MACROD2: variants seen among roughly 807,000 people sequenced by gnomAD.
MACROD2 encodes ADP-ribose glycohydrolase MACROD2.
In MACROD2, 36 loss-of-function variants were observed where a neutral mutation model predicts 70.4. The ratio of observed to expected loss-of-function variants is 0.51; its 90% CI spans 0.39 to 0.68. The LOEUF (loss-of-function observed/expected upper bound fraction) is 0.68, where lower values mean the gene tolerates loss of function less well. MACROD2 is among the 30% of genes least tolerant of loss of function. MACROD2 has a pLI of 0.00. For synonymous variants in MACROD2, 172 were observed against 178.8 expected, an observed-to-expected ratio of 0.96 and a Z score of 0.30; for missense variants, 496 against 538.4, an observed-to-expected ratio of 0.92 and a Z score of 0.78.
intron 8 of MACROD2, among the ~76,000 whole-genome samples, chr20:15,692,913 C>T (rs1156999208): frequency 6.6e-6 from 1 of 152,118 alleles, no homozygotes; most frequent in East Asian, 1.9e-4. Context: ...GAGCAGTTTC[C>T]CCCATGCTGT....
intron 3 of MACROD2, among the ~76,000 whole-genome samples, chr20:14,201,518 T>C (rs1365215362): frequency 6.6e-6 from 1 of 152,170 alleles, no homozygotes; most frequent in Non-Finnish European, 1.5e-5. Context: ...GATGATAGTT[T>C]ATTATCTCTG....
intron 6 of MACROD2, among the ~76,000 whole-genome samples, chr20:15,312,208 A>T (rs964267570): frequency 1.3e-5 from 2 of 152,218 alleles, no homozygotes; most frequent in Non-Finnish European, 2.9e-5. Context: ...ATACTTTCAT[A>T]TGGTCTTAAA....
chr20:15,523,614 C>T (rs753843699), intron 8 of MACROD2, among the ~76,000 whole-genome samples: 5 of 152,116 alleles, frequency 3.3e-5, no homozygotes, highest in Non-Finnish European at 5.9e-5. Context: ...CTTAGTGAAA[C>T]GGAGAGATTT....
intron 3 of MACROD2, among the ~76,000 whole-genome samples, chr20:14,410,206 A>G (rs1214245913): frequency 1.4e-5 from 2 of 139,180 alleles, no homozygotes; most frequent in Non-Finnish European, 3.0e-5. Context: ...TGAGGCCCAG[A>G]GTTTGCATTT....
At chr20:14,736,530 A>C (rs1305344332) in intron 5 of MACROD2, among the ~76,000 whole-genome samples, 1 of 152,194 alleles carries the variant, frequency 6.6e-6, no homozygotes, top group Non-Finnish European at 1.5e-5. Context: ...GTCAGTAACC[A>C]AACCAAACAT....
At chr20:15,489,429 G>T (rs1399420204) in intron 7 of MACROD2, among the ~76,000 whole-genome samples, 1 of 152,156 alleles carries the variant, frequency 6.6e-6, no homozygotes, top group Admixed American at 6.5e-5. Flanking sequence ...AAATTTACAC[G>T]CTCCAGTCAT....
At chr20:15,698,070 A>C (rs1361244919) in intron 8 of MACROD2, among the ~76,000 whole-genome samples, 1 of 152,194 alleles carries the variant, frequency 6.6e-6, no homozygotes, top group East Asian at 1.9e-4. Flanking sequence ...TTAGTATTGA[A>C]ATGTGAGGTA....
intron 3 of MACROD2, among the ~76,000 whole-genome samples, chr20:14,197,420 T>C (rs1053249940): frequency 2.0e-5 from 3 of 152,232 alleles, no homozygotes; most frequent in African/African-American, 7.2e-5. Flanking sequence ...AATATAACTT[T>C]CAACTGAAAT....
chr20:14,452,534 A>T (rs908664384), intron 3 of MACROD2, among the ~76,000 whole-genome samples: 2 of 152,140 alleles, frequency 1.3e-5, no homozygotes, highest in Non-Finnish European at 2.9e-5. Flanking sequence ...ATTATTACCA[A>T]CTTAAGAAGA....
intron 8 of MACROD2, among the ~76,000 whole-genome samples, chr20:15,528,433 T>C (rs1449695707): frequency 2.0e-5 from 3 of 152,328 alleles, no homozygotes; most frequent in East Asian, 3.9e-4. Flanking sequence ...GATGCTTTTT[T>C]ATCATGAGGA....
chr20:15,217,766 T>G (rs2076823596), intron 5 of MACROD2, among the ~76,000 whole-genome samples: 3 of 152,256 alleles, frequency 2.0e-5, no homozygotes, highest in African/African-American at 7.2e-5. Flanking sequence ...ATTATTTATT[T>G]TCAGGTTTTT....
At chr20:15,106,450 A>T (rs1373532371) in intron 5 of MACROD2, among the ~76,000 whole-genome samples, 1 of 152,194 alleles carries the variant, frequency 6.6e-6, no homozygotes, top group East Asian at 1.9e-4. Flanking sequence ...ATATGAAATG[A>T]TTGGCTATGC....
At chr20:15,836,098 T>TA (rs2064111505) in intron 8 of MACROD2, among the ~76,000 whole-genome samples, 1 of 150,732 alleles carries the variant, frequency 6.6e-6, no homozygotes, top group Non-Finnish European at 1.5e-5. Flanking sequence ...GACTCTTATA[T>TA]TTCCTGTGGA....
chr20:14,718,896 G>T (rs574674288), intron 5 of MACROD2, among the ~76,000 whole-genome samples: 1 of 152,110 alleles, frequency 6.6e-6, no homozygotes, highest in Non-Finnish European at 1.5e-5. Context: ...AAGAAGAAAA[G>T]GCAGCCTCCT....
At chr20:15,065,538 C>T (rs1254295605) in intron 5 of MACROD2, among the ~76,000 whole-genome samples, 3 of 151,644 alleles carry the variant, frequency 2.0e-5, no homozygotes, top group Non-Finnish European at 4.4e-5. Flanking sequence ...GCTGTAGTCC[C>T]AGCTACTCCG....
At chr20:15,498,145 G>C (rs1053286923) in intron 7 of MACROD2, among the ~76,000 whole-genome samples, 2 of 152,142 alleles carry the variant, frequency 1.3e-5, no homozygotes, top group Non-Finnish European at 2.9e-5. Flanking sequence ...GAAAAATTAA[G>C]CTTGGCTCTG....
chr20:14,056,377 C>T (rs1417718717), intron 2 of MACROD2, among the ~76,000 whole-genome samples: 1 of 151,458 alleles, frequency 6.6e-6, no homozygotes, highest in African/African-American at 2.4e-5. Context: ...TTTTATTCTT[C>T]TGCTTGCTAA....
chr20:14,873,430 G>T (rs1215118466), intron 5 of MACROD2, among the ~76,000 whole-genome samples: 4 of 152,146 alleles, frequency 2.6e-5, no homozygotes, highest in Non-Finnish European at 5.9e-5. Context: ...TTGAGGCTCT[G>T]TGTAGGCCTT....
At chr20:15,477,494 C>T (rs1038243538) in intron 7 of MACROD2, among the ~76,000 whole-genome samples, 11 of 151,516 alleles carry the variant, frequency 7.3e-5, no homozygotes, top group African/African-American at 1.9e-4. Context: ...CGGGTATGTG[C>T]GAGTTTTAAA....
Sources: allele counts gnomAD v4.1 joint callset (sites outside exome capture counted in the v4.1 genomes callset), GRCh38; gene constraint gnomAD v4.1.1; transcripts MANE v1.5; gene names NCBI Gene and HGNC (gene_info 2026-07-23, HGNC 2026-07-21).